SLC9A6: variants seen among roughly 807,000 people sequenced by gnomAD.
SLC9A6 encodes the protein sodium/hydrogen exchanger 6.
Under a neutral mutation model 45.3 loss-of-function variants are expected in SLC9A6, and 6 were observed. The observed-to-expected ratio is 0.13, with a 90% CI of 0.07 to 0.26. The LOEUF is 0.26. Ranked by LOEUF, SLC9A6 falls within the 10% of genes least tolerant of loss-of-function variation. SLC9A6 has a pLI of 1.00. For missense variants in SLC9A6, 278 were observed against 503.7 expected (o/e 0.55, Z 4.29); for synonymous variants, 191 against 187.7 (o/e 1.02, Z -0.14).
intron 11 of SLC9A6, among the ~76,000 whole-genome samples, chrX:136,018,435 G>A (rs1400922229): frequency 8.9e-6 from 1 of 112,146 alleles, no homozygotes; most frequent in Non-Finnish European, 1.9e-5. Flanking sequence ...CTCCTTCCAG[G>A]TTTGGAGTTT....
At chrX:136,022,087 T>C (rs138529078) in intron 11 of SLC9A6, among the ~76,000 whole-genome samples, 36 of 111,912 alleles carry the variant, frequency 3.2e-4, no homozygotes, top group African/African-American at 1.1e-3. Context: ...TGTGAGGTGG[T>C]GATTCAGCTG....
intron 7 of SLC9A6, among the ~76,000 whole-genome samples, chrX:136,004,715 A>G (rs2148161055): frequency 8.9e-6 from 1 of 111,833 alleles, no homozygotes; most frequent in African/African-American, 3.2e-5. Context: ...CCTCCCCACC[A>G]TATTTATTGC....
upstream of SLC9A6, among the ~76,000 whole-genome samples, chrX:135,982,821 G>T (rs1337519516): frequency 1.8e-5 from 2 of 112,318 alleles, no homozygotes; most frequent in Non-Finnish European, 3.8e-5. Flanking sequence ...CTGTGGCTGG[G>T]GGGAGAAAGA....
chrX:135,976,458 C>T (rs781799659), intron 1 of SLC9A6, among the ~76,000 whole-genome samples: 24 of 109,953 alleles, frequency 2.2e-4, no homozygotes, highest in Non-Finnish European at 7.6e-5. Flanking sequence ...AAAAATTTGC[C>T]GGGCGTGGTG....
chrX:136,001,961 G>A (rs1210377281), intron 6 of SLC9A6, 147 bp from the exon 7 acceptor site: 6 of 427,589 alleles, frequency 1.4e-5, no homozygotes, highest in Admixed American at 8.0e-5. Flanking sequence ...ATAAAATTAC[G>A]GGGTCTTTAA....
At chrX:135,976,962 A>G (rs1316763091) in intron 1 of SLC9A6, among the ~76,000 whole-genome samples, 3 of 112,086 alleles carry the variant, frequency 2.7e-5, no homozygotes, top group Non-Finnish European at 5.6e-5. Context: ...AGGGAGTGAG[A>G]TTTTAATTGT....
At chrX:136,042,082 GTTACA>G (rs1287073913) in intron 17 of SLC9A6, among the ~76,000 whole-genome samples, 7 of 110,427 alleles carry the variant, frequency 6.3e-5, no homozygotes, top group Non-Finnish European at 1.3e-4. Flanking sequence ...TCCAAACAAG[GTTACA>G]TTCACAGGTG....
intron 7 of SLC9A6, among the ~76,000 whole-genome samples, chrX:136,002,482 G>A (rs1204398127): frequency 1.8e-5 from 2 of 111,596 alleles, no homozygotes; most frequent in African/African-American, 6.5e-5. Flanking sequence ...AGTTGTGATT[G>A]TAGTGTCTGT....
chrX:136,019,183 T>G (rs2071077174), intron 11 of SLC9A6, among the ~76,000 whole-genome samples: 1 of 112,302 alleles, frequency 8.9e-6, no homozygotes, highest in Admixed American at 9.5e-5. Context: ...GTGAAAAGAC[T>G]CAAACTAATC....
intron 7 of SLC9A6, 76 bp downstream of exon 7, chrX:136,002,289 A>G (rs2089594468): frequency 4.3e-6 from 3 of 695,474 alleles, no homozygotes; most frequent in Non-Finnish European, 4.7e-6. Context: ...CTTATTGAAT[A>G]AAGTACATTA....
upstream of SLC9A6, chrX:135,974,033 G>C (rs1556612991): frequency 2.0e-6 from 1 of 509,844 alleles, no homozygotes; most frequent in Admixed American, 3.8e-5. Flanking sequence ...CGAGAACAGG[G>C]TGGGGCAGAG....
intron 7 of SLC9A6, among the ~76,000 whole-genome samples, chrX:136,005,835 A>C (rs1378667040): frequency 8.9e-6 from 1 of 111,929 alleles, no homozygotes; most frequent in Non-Finnish European, 1.9e-5. Context: ...TCACCTAAGG[A>C]TGATAGCGAG....
In SLC9A6 at chrX:136,040,303, A is replaced by G. The variant is rs2071485794; in HGVS notation, c.1767+122A>G. ...TTGCCTTTGAGGTATAAATTCCATGAAAGGGAATTTAAGCATATTTTGCTC... is the reference window on the plus strand; with the variant it reads ...TTGCCTTTGAGGTATAAATTCCATGGAAGGGAATTTAAGCATATTTTGCTC... On this transcript the variant is annotated intron_variant, in intron 17 of 17. Transcript: ENST00000630721. 7.6e-6 allele frequency: 4 copies of G among 524,173 alleles called. No individual in the cohort carries two copies. In the South Asian group the frequency reaches 8.6e-5, roughly 11 times the overall value. The allele number at this position is 524,173 out of a possible 1,213,427, so 43.2% of individuals were successfully genotyped here. A position where few individuals can be genotyped will look rare whatever the true frequency, so the allele number is the denominator to read the frequency against.
intron 12 of SLC9A6, among the ~76,000 whole-genome samples, chrX:136,023,060 C>G (rs1022898628): frequency 6.8e-5 from 7 of 102,721 alleles, no homozygotes; most frequent in Non-Finnish European, 1.2e-4. Context: ...ATCCACCCAC[C>G]TTGGCCTTTC....
At position 135,997,188 on chromosome X, in the gene SLC9A6, C is replaced by A. The variant is rs185036373; in HGVS notation, c.370-920C>A. ...TCTCCTGTCTCAGCCTCCCAAGTAG[C>A]GGGGATTACAGGCATGCACCACCAT... On this transcript the variant is annotated intron_variant, in intron 3 of 17. Coordinates refer to ENST00000630721, the MANE Select transcript of SLC9A6 (RefSeq NM_001379110.1). Among the ~76,000 whole-genome samples the A allele has an allele frequency of 4.9e-3, 541 of 110,303 alleles. 3 individuals are homozygous for A. The highest frequency in any genetic ancestry group is 0.016 in the African/African-American group (478 of 30,296).
intron 11 of SLC9A6, among the ~76,000 whole-genome samples, chrX:136,020,051 A>G (rs917406962): frequency 8.9e-6 from 1 of 112,322 alleles, no homozygotes; most frequent in African/African-American, 3.2e-5. Flanking sequence ...CACAGAGGTA[A>G]AATGCCATTC....
intron 16 of SLC9A6, among the ~76,000 whole-genome samples, chrX:136,038,682 A>G (rs782461718): frequency 2.7e-5 from 3 of 110,174 alleles, no homozygotes; most frequent in East Asian, 2.8e-4. Flanking sequence ...AGCTTTCTGT[A>G]GGAGAAAGTT....
upstream of SLC9A6, among the ~76,000 whole-genome samples, chrX:135,981,223 G>A (rs781853105): frequency 1.8e-5 from 2 of 111,799 alleles, no homozygotes; most frequent in Non-Finnish European, 3.8e-5. Context: ...GGAAACTTGC[G>A]ATCATGGTGG....
chrX:136,001,999 G>A, intron 6 of SLC9A6, 109 bp from the exon 7 acceptor site: 1 of 552,543 alleles, frequency 1.8e-6, no homozygotes. Flanking sequence ...TATTAGGATT[G>A]AATTCTAGGA....
Sources: gnomAD v4.1 joint callset for allele counts (sites outside exome capture counted in the v4.1 genomes callset) on GRCh38, gnomAD v4.1.1 for gene constraint, MANE v1.5 for transcripts, NCBI Gene and HGNC (gene_info 2026-07-23, HGNC 2026-07-21) for gene names.